CCDC47: variants seen among roughly 807,000 people sequenced by gnomAD.
The protein encoded by CCDC47 is coiled-coil domain containing 47, also known as PAT complex subunit CCDC47.
CCDC47 carries 41 observed loss-of-function variants against 60.5 expected under a neutral mutation model. The ratio of observed to expected loss-of-function variants is 0.68; its 90% CI spans 0.53 to 0.88. The LOEUF is 0.88. CCDC47 is among the 40% of genes least tolerant of loss of function. The pLI, the probability that CCDC47 is intolerant of heterozygous loss-of-function variation, is 0.00. For synonymous variants in CCDC47, 195 were observed against 190.7 expected (o/e 1.02, Z -0.18); for missense variants, 513 against 580.9 (o/e 0.88, Z 1.20).
chr17:63,761,840 T>C lies in CCDC47; in HGVS notation c.548-489A>G, dbSNP rs28478803. 3.5e-3 allele frequency: 3,422 copies of C among 976,062 alleles called. 91 individuals are homozygous for C. The African/African-American group carries it at 0.053, about 15-fold the overall frequency. 60.5% of individuals were successfully genotyped at this position (976,062 alleles called of 1,614,324 possible). A position where few individuals can be genotyped will look rare whatever the true frequency, so the allele number is the denominator to read the frequency against. On this transcript the variant is annotated intron_variant, in intron 4 of 12. Coordinates refer to ENST00000225726, the MANE Select transcript of CCDC47 (RefSeq NM_020198.3). ...TGAAATAGATTAGCACTGTTCGTTT[T>C]ACTTTTAAAACTATTGTCTGTATTA...
In CCDC47 at chr17:63,751,949, G is replaced by A. The variant is rs1241960089; in HGVS notation, c.1362C>T (p.Arg454=). The change falls in exon 12 of 13, where the codon CGC becomes CGT. Residue 454 remains arginine (R), a synonymous_variant. Transcript: ENST00000225726. Reference sequence around the variant, plus strand: ...GATAAGTTTGTCTAACCTCCAGCCTGCGCTGTTTCTCAGGATCTTCCTCAT... The same window carrying A: ...GATAAGTTTGTCTAACCTCCAGCCTACGCTGTTTCTCAGGATCTTCCTCAT... ...IMNEEDPEKQ[R]RLEEAALRRE... 4.3e-6 allele frequency: 7 copies of A among 1,613,504 alleles called. No individual in the cohort carries two copies. The highest frequency in any genetic ancestry group is 4.0e-5 in the African/African-American group (3 of 74,850).
chr17:63,771,508 T>G (rs1160730155), intron 1 of CCDC47, among the ~76,000 whole-genome samples: 1 of 152,194 alleles, frequency 6.6e-6, no homozygotes, highest in African/African-American at 2.4e-5. Flanking sequence ...CATGCCACTT[T>G]GTCAATGCCA....
chr17:63,751,234 C>T (rs73327987), intron 12 of CCDC47, among the ~76,000 whole-genome samples: 2,278 of 151,114 alleles, frequency 0.015, 61 homozygotes, highest in African/African-American at 0.052. Flanking sequence ...AGCTGAGTGG[C>T]GCACACCTGT....
In CCDC47 at chr17:63,765,971, C is replaced by T. The variant is rs753052365; in HGVS notation, c.205G>A (p.Val69Met). 2.5e-5 allele frequency: 41 copies of T among 1,614,040 alleles called. No individual in the cohort carries two copies. Among genetic ancestry groups the T allele is most frequent in the East Asian group, 2.2e-4 (10 of 44,886 alleles). Residue 69 changes from valine to methionine, a missense_variant, in exon 2 of 13, where the codon GTG becomes ATG. Transcript: ENST00000225726. ...TTTTCATCCTGCCCTTCCAACTCCA[C>T]AGTGGTCTCATCTTCATCATCTTCA... ...ITEDDEDETT[V>M]ELEGQDENQE...
chr17:63,754,891 G>GAAA (rs368843852), intron 8 of CCDC47, among the ~76,000 whole-genome samples: 255 of 114,004 alleles, frequency 2.2e-3, no homozygotes, highest in African/African-American at 7.3e-3. Flanking sequence ...TCAAAAAAAA[G>GAAA]AAAAAAAAAA....
chr17:63,769,127 TGTAGTCCA>T (rs2039317545), intron 1 of CCDC47, among the ~76,000 whole-genome samples: 1 of 150,682 alleles, frequency 6.6e-6, no homozygotes, highest in Admixed American at 6.6e-5. Context: ...GGTGTGCACC[TGTAGTCCA>T]GCTATTCTGG....
chr17:63,769,545 G>A (rs113066624), intron 1 of CCDC47, among the ~76,000 whole-genome samples: 2,451 of 149,266 alleles, frequency 0.016, 71 homozygotes, highest in African/African-American at 0.056. Flanking sequence ...ATCAGGAGGT[G>A]GAGGTTGCAG....
At chr17:63,749,944 G>A (rs1222209250) in intron 12 of CCDC47, among the ~76,000 whole-genome samples, 1 of 151,884 alleles carries the variant, frequency 6.6e-6, no homozygotes. Flanking sequence ...AACAGAGTGA[G>A]ACCCTGTCTC....
In CCDC47 at chr17:63,759,508, A is replaced by AAAT. The variant is rs2039234521; in HGVS notation, c.735+1405_735+1406insATT. Among the ~76,000 whole-genome samples, 2 of 19,648 alleles carry AAAT rather than the reference A, an allele frequency of 1.0e-4. 1 individual carries two copies. Among genetic ancestry groups the AAAT allele is most frequent in the Non-Finnish European group, 1.4e-4 (2 of 13,818 alleles). The allele number at this position is 19,648 out of a possible 152,430, so 12.9% of individuals were successfully genotyped here. A position where few individuals can be genotyped will look rare whatever the true frequency, so the allele number is the denominator to read the frequency against. On this transcript the variant is annotated intron_variant, in intron 6 of 12. Transcript: ENST00000225726. ...TGTCTCCCAAAAAAAAAAAAAAAAA[A>AAAT]ATATATATATATATATATTTATATA...
At chr17:63,758,154 A>C (rs537702158) in intron 6 of CCDC47, among the ~76,000 whole-genome samples, 17 of 152,326 alleles carry the variant, frequency 1.1e-4, no homozygotes, top group Non-Finnish European at 1.9e-4. Flanking sequence ...ATCCCTTATA[A>C]TAAACCAGTA....
chr17:63,773,032 C>T (rs8077013), intron 1 of CCDC47, among the ~76,000 whole-genome samples: 106,645 of 152,206 alleles, frequency 0.7, 38,796 homozygotes, highest in African/African-American at 0.92. Flanking sequence ...ATTAGGTCTT[C>T]CTGACAACGG....
intron 1 of CCDC47, chr17:63,766,960 A>C: frequency 2.0e-6 from 2 of 983,844 alleles, no homozygotes; most frequent in South Asian, 4.7e-5. Flanking sequence ...CATAATTATC[A>C]TAAGAGCAAA....
intron 2 of CCDC47, among the ~76,000 whole-genome samples, chr17:63,765,393 T>C (rs1267549924): frequency 6.6e-6 from 1 of 152,078 alleles, no homozygotes; most frequent in Non-Finnish European, 1.5e-5. Flanking sequence ...CAGGCTGAAG[T>C]GCAGTGGCTC....
At chr17:63,753,760 A>C (rs576375850) in intron 9 of CCDC47, 219 of 249,606 alleles carry the variant, frequency 8.8e-4, no homozygotes, top group Admixed American at 2.5e-3. Context: ...AAACACACAG[A>C]TTTGTAATCA....
intron 2 of CCDC47, chr17:63,765,617 G>A (rs1043723854): frequency 3.0e-6 from 3 of 1,008,594 alleles, no homozygotes; most frequent in African/African-American, 1.7e-5. Flanking sequence ...TGGGATTACA[G>A]GCATGAGCCA....
At chr17:63,766,924 T>C (rs1344800188) in intron 1 of CCDC47, 1 of 984,248 alleles carries the variant, frequency 1.0e-6, no homozygotes, top group Non-Finnish European at 1.2e-6. Flanking sequence ...CATTCACCCT[T>C]AGATTGATTT....
chr17:63,760,062 C>CAAAAAAAA (rs10643408), intron 6 of CCDC47, among the ~76,000 whole-genome samples: 9 of 98,380 alleles, frequency 9.1e-5, no homozygotes, highest in South Asian at 3.5e-4. Flanking sequence ...GACTCCGTCT[C>CAAAAAAAA]AAAAAAAAAA....
In CCDC47 at chr17:63,766,195, C is replaced by A; in HGVS notation, c.-19-1G>T. 4 of 1,581,574 alleles carry A rather than the reference C, an allele frequency of 2.5e-6. No individual in the cohort carries two copies. The highest frequency in any genetic ancestry group is 1.9e-5 in the Admixed American group (1 of 51,332). The stretch of plus-strand genomic sequence containing the variant: ...TTTCATTGCACCTTGAGAAAAAAAG[C>A]TTAAAAAAAAAGAGAACCCCAAAAT... On this transcript the variant is annotated splice_acceptor_variant, in intron 1 of 12. Transcript: ENST00000225726. LOFTEE classifies it low-confidence loss of function (5UTR_SPLICE).
At chr17:63,761,158 T>A (rs929520944) in intron 5 of CCDC47, 72 bp downstream of exon 5, 1 of 1,579,708 alleles carries the variant, frequency 6.3e-7, no homozygotes, top group Admixed American at 1.7e-5. Context: ...AGATGCTGAA[T>A]TGGGGGGCTG....
Sources: allele counts gnomAD v4.1 joint callset (sites outside exome capture counted in the v4.1 genomes callset), GRCh38; gene constraint gnomAD v4.1.1; transcripts MANE v1.5; gene names NCBI Gene and HGNC (gene_info 2026-07-23, HGNC 2026-07-21).